The following XKR6 variants were observed in gnomAD, a reference collection of about 807,000 sequenced individuals.
XKR6 encodes the protein XK-related protein 6.
Under a neutral mutation model 56.7 loss-of-function variants are expected in XKR6, and 22 were observed. The observed-to-expected ratio is 0.39, with a 90% CI of 0.28 to 0.55. The LOEUF (loss-of-function observed/expected upper bound fraction) is 0.55. Ranked by LOEUF, XKR6 falls within the 20% of genes least tolerant of loss-of-function variation. The pLI is 0.66. For synonymous variants in XKR6, 524 were observed against 387.8 expected (o/e 1.35, Z -4.13); for missense variants, 852 against 889.0 (o/e 0.96, Z 0.53).
intron 1 of XKR6, among the ~76,000 whole-genome samples, chr8:11,134,731 T>A (rs1359262294): frequency 6.6e-6 from 1 of 151,992 alleles, no homozygotes; most frequent in African/African-American, 2.4e-5. Context: ...CAAAAGAAAT[T>A]AACCTACCAG....
intron 1 of XKR6, among the ~76,000 whole-genome samples, chr8:11,158,747 A>G (rs751210257): frequency 6.6e-6 from 1 of 152,244 alleles, no homozygotes. Context: ...AAATGCAAAG[A>G]TGACGAAACG....
chr8:11,112,580 T>G (rs998020857), intron 1 of XKR6, among the ~76,000 whole-genome samples: 4 of 152,186 alleles, frequency 2.6e-5, no homozygotes, highest in African/African-American at 9.6e-5. Context: ...ATTTAATTAT[T>G]CCACAGAAAA....
intron 1 of XKR6, among the ~76,000 whole-genome samples, chr8:11,059,478 G>C (rs1028251376): frequency 3.3e-5 from 5 of 152,102 alleles, no homozygotes; most frequent in Non-Finnish European, 7.4e-5. Context: ...GGCCCCGCCC[G>C]ACAGGCAGCT....
intron 1 of XKR6, chr8:11,194,592 A>G (rs3021502): frequency 6.6e-6 from 1 of 152,486 alleles, no homozygotes; most frequent in African/African-American, 2.4e-5. Context: ...ATTTGCAGAC[A>G]GCACGTTGTA....
intron 1 of XKR6, among the ~76,000 whole-genome samples, chr8:11,022,616 G>A (rs909028445): frequency 2.6e-5 from 4 of 152,214 alleles, no homozygotes; most frequent in African/African-American, 9.6e-5. Context: ...GCTTCCTCCA[G>A]TGTCATCTTT....
At chr8:10,977,942 G>A (rs1470713594) in intron 1 of XKR6, among the ~76,000 whole-genome samples, 2 of 152,106 alleles carry the variant, frequency 1.3e-5, no homozygotes, top group East Asian at 1.9e-4. Flanking sequence ...ACTCCAGAAC[G>A]TACCATTTTG....
intron 1 of XKR6, among the ~76,000 whole-genome samples, chr8:11,196,190 T>C (rs1423097910): frequency 3.3e-5 from 5 of 152,164 alleles, no homozygotes; most frequent in Non-Finnish European, 7.3e-5. Flanking sequence ...TAGAGGGACA[T>C]TACAGATCAC....
At chr8:11,187,521 G>A (rs1407831630) in intron 1 of XKR6, among the ~76,000 whole-genome samples, 1 of 152,198 alleles carries the variant, frequency 6.6e-6, no homozygotes, top group Non-Finnish European at 1.5e-5. Context: ...TGGAGAAGGA[G>A]TGTTGGTTCA....
Position 11,130,148 on chromosome 8 carries a change from T to C in XKR6, c.764+70428A>G, listed in dbSNP as rs565290351. Among the ~76,000 whole-genome samples the C allele has an allele frequency of 4.6e-5, 7 of 152,226 alleles. No homozygotes were observed. The East Asian group carries it at 1.3e-3, about 29-fold the overall frequency. On this transcript the variant is annotated intron_variant, in intron 1 of 2. Transcript: ENST00000416569. ...TCTAGAACTAGACAGTGTTTGGCAT[T>C]TAAGGAAATAACACTATTTTGTGGC... is the stretch of plus-strand genomic sequence containing the variant.
intron 1 of XKR6, among the ~76,000 whole-genome samples, chr8:10,930,559 AG>A (rs1801023865): frequency 6.6e-6 from 1 of 152,244 alleles, no homozygotes; most frequent in Non-Finnish European, 1.5e-5. Context: ...ACAAAATATT[AG>A]CAAATTAAAT....
intron 1 of XKR6, among the ~76,000 whole-genome samples, chr8:10,953,442 G>A (rs1288421763): frequency 3.9e-5 from 6 of 152,082 alleles, no homozygotes; most frequent in Non-Finnish European, 8.8e-5. Context: ...AGAAGCAAAT[G>A]CCCATGTTAT....
chr8:11,069,059 C>T (rs556069366), intron 1 of XKR6, among the ~76,000 whole-genome samples: 1 of 152,172 alleles, frequency 6.6e-6, no homozygotes, highest in South Asian at 2.1e-4. Flanking sequence ...TCCATGTTTT[C>T]CCTTCCCCCA....
intron 1 of XKR6, among the ~76,000 whole-genome samples, chr8:11,107,489 T>A (rs899312793): frequency 2.0e-5 from 3 of 152,158 alleles, no homozygotes; most frequent in Non-Finnish European, 4.4e-5. Context: ...CCAGCCCTGA[T>A]CAATTTTTGA....
At chr8:11,128,293 C>A (rs1799929783) in intron 1 of XKR6, among the ~76,000 whole-genome samples, 1 of 152,140 alleles carries the variant, frequency 6.6e-6, no homozygotes, top group African/African-American at 2.4e-5. Flanking sequence ...TGCATCCAGG[C>A]TCAGTTCCCA....
chr8:11,147,443 A>G (rs1051959321), intron 1 of XKR6, among the ~76,000 whole-genome samples: 15 of 152,062 alleles, frequency 9.9e-5, no homozygotes, highest in African/African-American at 3.4e-4. Flanking sequence ...AGGCAGGCAG[A>G]TCAAGAGATC....
At chr8:11,048,636 G>A (rs1362326596) in intron 1 of XKR6, among the ~76,000 whole-genome samples, 2 of 152,140 alleles carry the variant, frequency 1.3e-5, no homozygotes, top group African/African-American at 4.8e-5. Flanking sequence ...AGAAGAGCTA[G>A]CCCAGGGGTC....
chr8:10,939,963 C>T (rs542848510), intron 1 of XKR6, among the ~76,000 whole-genome samples: 47 of 152,332 alleles, frequency 3.1e-4, no homozygotes, highest in African/African-American at 8.4e-4. Flanking sequence ...GTGTGCACAT[C>T]GTAGCACAAG....
chr8:10,904,424 G>A (rs565334139), intron 2 of XKR6, among the ~76,000 whole-genome samples: 3 of 152,350 alleles, frequency 2.0e-5, no homozygotes, highest in Non-Finnish European at 4.4e-5. Flanking sequence ...CAGAAAGGCA[G>A]TCATCAGGGA....
intron 2 of XKR6, among the ~76,000 whole-genome samples, chr8:10,905,695 A>T (rs1163743608): frequency 6.6e-6 from 1 of 152,052 alleles, no homozygotes; most frequent in Non-Finnish European, 1.5e-5. Flanking sequence ...GGAAGCTAAC[A>T]TTTGGGGGAT....
Sources: allele counts gnomAD v4.1 joint callset (sites outside exome capture counted in the v4.1 genomes callset), GRCh38; gene constraint gnomAD v4.1.1; transcripts MANE v1.5; gene names NCBI Gene and HGNC (gene_info 2026-07-23, HGNC 2026-07-21).